The following OR8B3 variants were observed in gnomAD, a reference collection of about 807,000 sequenced individuals.
The protein encoded by OR8B3 is olfactory receptor 8B3.
For missense variants in OR8B3, 278 were observed against 377.6 expected, an observed-to-expected ratio of 0.74 and a Z score of 2.19; for synonymous variants, 102 against 135.4, an observed-to-expected ratio of 0.75 and a Z score of 1.71.
chr11:124,406,876 T>C, the OR8B3 span, among the ~76,000 whole-genome samples: 2 of 151,900 alleles, frequency 1.3e-5, no homozygotes, highest in East Asian at 1.9e-4. Context: ...ATAAATTTGG[T>C]TAGATAAATA....
chr11:124,397,125 A>G lies in OR8B3; in HGVS notation c.227T>C (p.Val76Ala), dbSNP rs1188704408. 4.3e-6 allele frequency: 7 copies of G among 1,613,304 alleles called. No homozygotes were observed. The highest frequency in any genetic ancestry group is 5.1e-6 in the Non-Finnish European group (6 of 1,179,558). The change falls in exon 2 of 2, where the codon GTT becomes GCT. Residue 76 changes from valine (V) to alanine (A), a missense_variant. Coordinates refer to ENST00000641139, the MANE Select transcript of OR8B3 (RefSeq NM_001005467.2). ...LSFIDLCYSS[V>A]FTPKMLMNFV... ...GTTCATTAGCATTTTGGGAGTGAAA[A>G]CAGAGGAGTAACAGAGATCAATGAA...
chr11:124,405,976 A>C, the OR8B3 span, among the ~76,000 whole-genome samples: 1 of 152,052 alleles, frequency 6.6e-6, no homozygotes, highest in African/African-American at 2.4e-5. Context: ...CACTTCCTTC[A>C]TTTTCCCCTG....
the OR8B3 span, among the ~76,000 whole-genome samples, chr11:124,405,615 A>G: frequency 6.6e-6 from 1 of 152,236 alleles, no homozygotes; most frequent in Non-Finnish European, 1.5e-5. Flanking sequence ...ACAAGCTGTA[A>G]GAGTTCTTTG....
At chr11:124,407,028 T>C in the OR8B3 span, among the ~76,000 whole-genome samples, 1 of 152,170 alleles carries the variant, frequency 6.6e-6, no homozygotes, top group African/African-American at 2.4e-5. Context: ...TGATAGTCTA[T>C]GATTTCCTTG....
chr11:124,407,112 A>T, the OR8B3 span, among the ~76,000 whole-genome samples: 2 of 152,110 alleles, frequency 1.3e-5, no homozygotes, highest in African/African-American at 4.8e-5. Context: ...ATATGATGTT[A>T]GCTGATATTT....
At chr11:124,403,638 T>C (rs1372656808), upstream of OR8B3, among the ~76,000 whole-genome samples, 19 of 143,294 alleles carry the variant, frequency 1.3e-4, no homozygotes, top group Non-Finnish European at 2.9e-4. Flanking sequence ...ACTGGGCAGC[T>C]GGGCAGAGGG....
chr11:124,402,636 T>C (rs1861013897), upstream of OR8B3, among the ~76,000 whole-genome samples: 1 of 152,162 alleles, frequency 6.6e-6, no homozygotes, highest in Non-Finnish European at 1.5e-5. Context: ...AAATGTGAAG[T>C]TTTTTAAAGA....
At chr11:124,397,593 CAGAG>C (rs1172885217) in intron 1 of OR8B3, among the ~76,000 whole-genome samples, 10 of 151,886 alleles carry the variant, frequency 6.6e-5, no homozygotes, top group Non-Finnish European at 1.3e-4. Context: ...TACTAGAAGA[CAGAG>C]AGGTGGAGTA....
At chr11:124,408,495 G>A in the OR8B3 span, among the ~76,000 whole-genome samples, 1 of 152,164 alleles carries the variant, frequency 6.6e-6, no homozygotes, top group African/African-American at 2.4e-5. Context: ...ATGGCTGAGA[G>A]TAATAAAGGT....
upstream of OR8B3, among the ~76,000 whole-genome samples, chr11:124,401,216 A>AAGAGAGAGAGAG (rs1430482395): frequency 3.3e-5 from 1 of 30,396 alleles, no homozygotes; most frequent in Non-Finnish European, 6.2e-5. Context: ...GGGAAATGCA[A>AAGAGAGAGAGAG]AGAGACAGAG....
At chr11:124,398,117 C>T (rs1318225696) in intron 1 of OR8B3, among the ~76,000 whole-genome samples, 5 of 152,178 alleles carry the variant, frequency 3.3e-5, no homozygotes. Flanking sequence ...GTTTCCTAGA[C>T]AGGGGTCTCC....
chr11:124,403,917 C>A (rs1861041500), upstream of OR8B3, among the ~76,000 whole-genome samples: 2 of 152,216 alleles, frequency 1.3e-5, no homozygotes, highest in Admixed American at 1.3e-4. Flanking sequence ...TGGAGACCAG[C>A]CCGGCCAACA....
chr11:124,397,748 G>A (rs1215747137), intron 1 of OR8B3, among the ~76,000 whole-genome samples: 1 of 151,494 alleles, frequency 6.6e-6, no homozygotes, highest in Admixed American at 6.6e-5. Context: ...CCTGGCTGGA[G>A]TGCAATGGTG....
chr11:124,402,835 CTT>C (rs200472893), upstream of OR8B3, among the ~76,000 whole-genome samples: 1,443 of 148,206 alleles, frequency 9.7e-3, 14 homozygotes, highest in Middle Eastern at 0.034. Context: ...AATGATGCTT[CTT>C]TTTTTTTTTT....
At chr11:124,407,679 G>A in the OR8B3 span, among the ~76,000 whole-genome samples, 1 of 152,034 alleles carries the variant, frequency 6.6e-6, no homozygotes, top group Non-Finnish European at 1.5e-5. Flanking sequence ...TAGAGAAAAT[G>A]TACATGAAAT....
chr11:124,403,600 C>T (rs534720026), upstream of OR8B3, among the ~76,000 whole-genome samples: 2 of 151,980 alleles, frequency 1.3e-5, no homozygotes, highest in African/African-American at 2.4e-5. Context: ...GTGATGGCGG[C>T]CGGGAAGAGG....
chr11:124,400,107 T>C (rs1860967434), upstream of OR8B3, among the ~76,000 whole-genome samples: 1 of 152,150 alleles, frequency 6.6e-6, no homozygotes, highest in African/African-American at 2.4e-5. Context: ...GTAATCCACC[T>C]GCCTTGGCCT....
Position 124,396,425 on chromosome 11 carries a change from T to C in OR8B3, c.927A>G (p.Arg309=), listed in dbSNP as rs150898732. ...CTGCTTCTAATTAGAATATATTTCT[T>C]CTCTGAATTTTAATCAGAGCTTTCC... is the stretch of plus-strand genomic sequence containing the variant. ...ALRKALIKIQ[R]RNIF Residue 309 remains arginine, a synonymous_variant, in exon 2 of 2, where the codon AGA becomes AGG. Transcript: ENST00000641139. 8.0e-4 allele frequency: 1,281 copies of C among 1,600,184 alleles called. 1 individual carries two copies. The highest frequency in any genetic ancestry group is 1.0e-3 in the Middle Eastern group (6 of 5,968).
At position 124,398,936 on chromosome 11, in the gene OR8B3, T is replaced by C. The variant is rs145310440; in HGVS notation, c.-264A>G. 377 of 152,282 alleles carry C rather than the reference T, an allele frequency of 2.5e-3. No individual in the cohort carries two copies. Among genetic ancestry groups the C allele is most frequent in the African/African-American group, 8.7e-3 (363 of 41,558 alleles). 9.4% of individuals were successfully genotyped at this position (152,282 alleles called of 1,614,324 possible). On this transcript the variant is annotated 5_prime_UTR_variant, in exon 1 of 2. It removes the in-frame stop codon of an upstream open reading frame in the 5' UTR. Coordinates refer to ENST00000641139, the MANE Select transcript of OR8B3 (RefSeq NM_001005467.2). ...AGAGGGTTTGTTGGAAAACTGCACTTCAAACCAGAGCTACCATGTCATAGA... is the reference window on the plus strand; with the variant it reads ...AGAGGGTTTGTTGGAAAACTGCACTCCAAACCAGAGCTACCATGTCATAGA...
Sources: gnomAD v4.1 joint callset for allele counts (sites outside exome capture counted in the v4.1 genomes callset) on GRCh38, gnomAD v4.1.1 for gene constraint, MANE v1.5 for transcripts, NCBI Gene and HGNC (gene_info 2026-07-23, HGNC 2026-07-21) for gene names.